The following TRAK2 variants were observed in gnomAD, a reference collection of about 807,000 sequenced individuals.
The protein encoded by TRAK2 is trafficking kinesin protein 2.
TRAK2 carries 81 observed loss-of-function variants against 104.6 expected under a neutral mutation model. That is an observed-to-expected ratio of 0.77 (90% confidence interval 0.65 to 0.93). The LOEUF is 0.93. Among genes scored for constraint, TRAK2 ranks in the 40% least tolerant of loss-of-function variants. The pLI is 0.00. For missense variants in TRAK2, 1,002 were observed against 1,089.0 expected (o/e 0.92, Z 1.12); for synonymous variants, 406 against 394.4 (o/e 1.03, Z -0.35).
chr2:201,397,670 A>C, intron 6 of TRAK2, 90 bp from the exon 7 acceptor site: 1 of 942,112 alleles, frequency 1.1e-6, no homozygotes, highest in East Asian at 2.5e-5. Context: ...TGAAGACTAA[A>C]TTTCATCACT....
chr2:201,391,737 T>C (rs1951449824), intron 10 of TRAK2, among the ~76,000 whole-genome samples: 1 of 152,224 alleles, frequency 6.6e-6, no homozygotes, highest in Non-Finnish European at 1.5e-5. Flanking sequence ...ATGCACCTCT[T>C]GAAACCATGC....
At chr2:201,388,541 G>T (rs1559438066) in intron 12 of TRAK2, among the ~76,000 whole-genome samples, 1 of 152,136 alleles carries the variant, frequency 6.6e-6, no homozygotes, top group Non-Finnish European at 1.5e-5. Flanking sequence ...AACAAAATTT[G>T]TATATAATAC....
At chr2:201,385,811 T>C (rs1437582277) in intron 14 of TRAK2, among the ~76,000 whole-genome samples, 1 of 152,236 alleles carries the variant, frequency 6.6e-6, no homozygotes, top group Non-Finnish European at 1.5e-5. Flanking sequence ...TAGCTATTTT[T>C]CATTAAACAT....
intron 5 of TRAK2, among the ~76,000 whole-genome samples, chr2:201,398,555 T>G (rs1030336877): frequency 2.0e-5 from 3 of 152,134 alleles, no homozygotes; most frequent in African/African-American, 7.2e-5. Context: ...TTTTAGAGCA[T>G]TAATTCAACA....
chr2:201,438,231 G>A (rs1951893438), intron 1 of TRAK2, among the ~76,000 whole-genome samples: 1 of 152,196 alleles, frequency 6.6e-6, no homozygotes, highest in Non-Finnish European at 1.5e-5. Context: ...GCACTCCGAA[G>A]GTTTTGAAGA....
chr2:201,401,437 T>C (rs1302087462), intron 3 of TRAK2, among the ~76,000 whole-genome samples: 8 of 152,050 alleles, frequency 5.3e-5, no homozygotes, highest in Non-Finnish European at 7.4e-5. Flanking sequence ...AAATTACTGA[T>C]TGCTTTACAG....
chr2:201,419,885 C>A (rs1460509761), intron 2 of TRAK2, among the ~76,000 whole-genome samples: 1 of 152,150 alleles, frequency 6.6e-6, no homozygotes, highest in African/African-American at 2.4e-5. Context: ...ACATCTTCAG[C>A]AAATATGAGT....
Position 201,378,735 on chromosome 2 carries a change from C to T in TRAK2, c.*1808G>A, listed in dbSNP as rs191021731. The T allele has an allele frequency of 2.0e-5, 3 of 152,164 alleles. No homozygotes were observed. The highest frequency in any genetic ancestry group is 3.9e-4 in the East Asian group (2 of 5,180). The allele number at this position is 152,164 out of a possible 1,614,324, so 9.4% of individuals were successfully genotyped here. A position where few individuals can be genotyped will look rare whatever the true frequency, so the allele number is the denominator to read the frequency against. ...CTCAGCACAACTGAGTGAAGGGGAA[C>T]GAAAGGGAGAGACCATCTTCACCCT... On this transcript the variant is annotated 3_prime_UTR_variant, in exon 16 of 16. Transcript: ENST00000332624.
chr2:201,377,581 T>C lies in TRAK2; in HGVS notation c.*2962A>G, dbSNP rs1951300425. ...AAGCTTTGAGTACTGTGTAAAATTA[T>C]ACCCTTTATAGGGAATAGGCTCTTG... is the stretch of plus-strand genomic sequence containing the variant. On this transcript the variant is annotated 3_prime_UTR_variant, in exon 16 of 16. Coordinates refer to ENST00000332624, the MANE Select transcript of TRAK2 (RefSeq NM_015049.3). The C allele has an allele frequency of 6.6e-6, 1 of 152,658 alleles. No individual in the cohort carries two copies. The highest frequency in any genetic ancestry group is 2.4e-5 in the African/African-American group (1 of 41,474). 9.5% of individuals were successfully genotyped at this position (152,658 alleles called of 1,614,324 possible). A position where few individuals can be genotyped will look rare whatever the true frequency, so the allele number is the denominator to read the frequency against.
chr2:201,410,260 C>G (rs536990711), intron 2 of TRAK2, among the ~76,000 whole-genome samples: 50 of 151,780 alleles, frequency 3.3e-4, no homozygotes, highest in African/African-American at 1.2e-3. Context: ...GAGCCGAGAT[C>G]GCGCCACTGC....
At position 201,398,186 on chromosome 2, in the gene TRAK2, G is replaced by A. The variant is rs775691965; in HGVS notation, c.649C>T (p.Leu217Phe). The A allele has an allele frequency of 3.7e-6, 6 of 1,613,674 alleles. No individual in the cohort carries two copies. Among genetic ancestry groups the A allele is most frequent in the Middle Eastern group, 1.7e-4 (1 of 6,058 alleles). ...LLQLEMLQEK[L>F]KELEEENMAL... ...ATATTCTCTTCTTCCAGTTCCTTGA[G>A]CTTTTCTTGCAGCATTTCCAACTGC... Residue 217 changes from leucine (L) to phenylalanine (F), a missense_variant, in exon 6 of 16, where the codon CTC (leucine) becomes TTC (phenylalanine). Transcript: ENST00000332624.
At chr2:201,395,522 T>C (rs760801232) in intron 7 of TRAK2, 78 bp from the exon 8 acceptor site, 3 of 1,392,876 alleles carry the variant, frequency 2.2e-6, no homozygotes, top group African/African-American at 2.9e-5. Context: ...GTGAGCTAAA[T>C]CTTGTTTTAT....
chr2:201,428,290 T>C (rs1951808055), intron 1 of TRAK2, among the ~76,000 whole-genome samples: 2 of 152,240 alleles, frequency 1.3e-5, no homozygotes, highest in South Asian at 4.1e-4. Context: ...TCTAGGGTTT[T>C]TATGGTTTTA....
chr2:201,400,714 T>C (rs184666445), intron 4 of TRAK2, among the ~76,000 whole-genome samples: 99 of 152,210 alleles, frequency 6.5e-4, no homozygotes, highest in Non-Finnish European at 9.7e-4. Context: ...AGCTCTGCTG[T>C]AGAGTAAGTA....
At chr2:201,420,973 G>A (rs1951735959) in intron 1 of TRAK2, among the ~76,000 whole-genome samples, 1 of 152,110 alleles carries the variant, frequency 6.6e-6, no homozygotes, top group Non-Finnish European at 1.5e-5. Flanking sequence ...ATTACTAAGG[G>A]GCAGGAGAAA....
rs555082942 is a variant in TRAK2 at position 201,377,368 on chromosome 2, T to G, written c.*3175A>C. 8 of 152,368 alleles carry G rather than the reference T, an allele frequency of 5.3e-5. No individual in the cohort carries two copies. The highest frequency in any genetic ancestry group is 1.4e-4 in the African/African-American group (6 of 41,596). The allele number at this position is 152,368 out of a possible 1,614,324, so 9.4% of individuals were successfully genotyped here. ...TGTGCCCACTCTGAGGGGGATGTCC[T>G]CTGCCATGCGACCGCTCAGTTATCA... On this transcript the variant is annotated 3_prime_UTR_variant, in exon 16 of 16. Transcript: ENST00000332624.
At chr2:201,442,307 C>T (rs187743353) in intron 1 of TRAK2, among the ~76,000 whole-genome samples, 2,777 of 151,460 alleles carry the variant, frequency 0.018, 42 homozygotes, top group Middle Eastern at 0.041. Context: ...AGGAGAATGG[C>T]GTGAACCCAG....
intron 1 of TRAK2, among the ~76,000 whole-genome samples, chr2:201,436,634 G>A (rs1283651870): frequency 6.6e-6 from 1 of 152,132 alleles, no homozygotes; most frequent in Non-Finnish European, 1.5e-5. Context: ...GAAAATCTAT[G>A]TCCTCATTTC....
Position 201,451,390 on chromosome 2 carries a change from T to G in TRAK2, c.-240A>C, listed in dbSNP as rs1362680023. On this transcript the variant is annotated 5_prime_UTR_variant, in exon 1 of 16. Coordinates refer to ENST00000332624, the MANE Select transcript of TRAK2 (RefSeq NM_015049.3). The stretch of plus-strand genomic sequence containing the variant: ...TCCTCTGTCGTCCGCCCGCGCTTCC[T>G]CAGGAAGCCCCTAATGCAGCGGCAG... 2 of 152,152 alleles carry G rather than the reference T, an allele frequency of 1.3e-5. No homozygotes were observed. Among genetic ancestry groups the G allele is most frequent in the Non-Finnish European group, 2.9e-5 (2 of 68,004 alleles). The allele number at this position is 152,152 out of a possible 1,614,324, so 9.4% of individuals were successfully genotyped here. A position where few individuals can be genotyped will look rare whatever the true frequency, so the allele number is the denominator to read the frequency against.
Sources: allele counts gnomAD v4.1 joint callset (sites outside exome capture counted in the v4.1 genomes callset), GRCh38; gene constraint gnomAD v4.1.1; transcripts MANE v1.5; gene names NCBI Gene and HGNC (gene_info 2026-07-23, HGNC 2026-07-21).